The following ATG4C variants were observed in gnomAD, a reference collection of about 807,000 sequenced individuals.
The protein encoded by ATG4C is cysteine protease ATG4C.
A neutral mutation model predicts 57.6 loss-of-function variants in ATG4C; 56 were observed. The ratio of observed to expected loss-of-function variants is 0.97; its 90% CI spans 0.78 to 1.21. The LOEUF (loss-of-function observed/expected upper bound fraction) is 1.21, where lower values mean the gene tolerates loss of function less well. Ranked by LOEUF, ATG4C falls within the 50% of genes most tolerant of loss-of-function variation. The pLI is 0.00. For missense variants in ATG4C, 595 were observed against 529.8 expected (o/e 1.12, Z -1.21); for synonymous variants, 157 against 174.1 (o/e 0.90, Z 0.78).
At chr1:62,791,999 CTCTTT>C (rs1261159293) in intron 1 of ATG4C, among the ~76,000 whole-genome samples, 5 of 151,982 alleles carry the variant, frequency 3.3e-5, no homozygotes, top group East Asian at 1.9e-4. Context: ...CTTTTATCTA[CTCTTT>C]TCTTTTTTTT....
At chr1:62,805,527 T>C (rs1664849635) in intron 3 of ATG4C, among the ~76,000 whole-genome samples, 2 of 152,144 alleles carry the variant, frequency 1.3e-5, no homozygotes, top group South Asian at 4.1e-4. Context: ...TAATATTGTT[T>C]GTCACATTCT....
intron 3 of ATG4C, among the ~76,000 whole-genome samples, chr1:62,805,662 T>C (rs1454816580): frequency 1.3e-5 from 2 of 152,204 alleles, no homozygotes; most frequent in East Asian, 3.8e-4. Flanking sequence ...ATTAATTCTT[T>C]CAAAAATTTT....
chr1:62,799,508 GT>G (rs1664584989), intron 1 of ATG4C, among the ~76,000 whole-genome samples: 1 of 152,158 alleles, frequency 6.6e-6, no homozygotes, highest in African/African-American at 2.4e-5. Flanking sequence ...CATAGCAGGA[GT>G]TTTGACCAAA....
intron 1 of ATG4C, among the ~76,000 whole-genome samples, chr1:62,799,285 G>A (rs1664575214): frequency 6.6e-6 from 1 of 152,154 alleles, no homozygotes; most frequent in African/African-American, 2.4e-5. Flanking sequence ...TTTAATTTTA[G>A]TCATATGAAA....
intron 10 of ATG4C, among the ~76,000 whole-genome samples, chr1:62,860,496 G>A (rs758552693): frequency 6.6e-6 from 1 of 152,184 alleles, no homozygotes; most frequent in Non-Finnish European, 1.5e-5. Flanking sequence ...AACACTAGGT[G>A]ATAGGAATTT....
chr1:62,848,336 C>G (rs1666391275), intron 10 of ATG4C, among the ~76,000 whole-genome samples: 1 of 152,106 alleles, frequency 6.6e-6, no homozygotes. Flanking sequence ...ATTTTAAATT[C>G]CACAAGGCAT....
At chr1:62,787,284 G>A (rs1001828517) in intron 1 of ATG4C, among the ~76,000 whole-genome samples, 1 of 151,874 alleles carries the variant, frequency 6.6e-6, no homozygotes, top group African/African-American at 2.4e-5. Flanking sequence ...GCAGGGGTGG[G>A]GTTCTACATG....
chr1:62,839,514 T>C (rs990284767), intron 9 of ATG4C, among the ~76,000 whole-genome samples: 19 of 152,238 alleles, frequency 1.2e-4, no homozygotes, highest in Non-Finnish European at 1.6e-4. Flanking sequence ...GTCTTTCGAA[T>C]GAGCTGGGCA....
intron 1 of ATG4C, among the ~76,000 whole-genome samples, chr1:62,803,381 C>T (rs1423014964): frequency 6.6e-6 from 1 of 152,080 alleles, no homozygotes; most frequent in Non-Finnish European, 1.5e-5. Flanking sequence ...CTCACTTGCG[C>T]CAATGCACCA....
At chr1:62,808,427 G>A (rs1373013447) in intron 3 of ATG4C, among the ~76,000 whole-genome samples, 3 of 152,038 alleles carry the variant, frequency 2.0e-5, no homozygotes, top group Non-Finnish European at 4.4e-5. Context: ...GTGAAGGATA[G>A]ACATATTGAT....
intron 4 of ATG4C, among the ~76,000 whole-genome samples, chr1:62,817,716 CAT>C (rs938036216): frequency 1.3e-5 from 2 of 151,998 alleles, no homozygotes; most frequent in East Asian, 1.9e-4. Context: ...ACTTAACTTA[CAT>C]ATATATGTTT....
chr1:62,841,478 C>T lies in ATG4C; in HGVS notation c.1140C>T (p.Pro380=), dbSNP rs778674798. The change falls in exon 10 of 11, where the codon CCC becomes CCT. Residue 380 remains proline (P), a synonymous_variant. Transcript: ENST00000317868. The stretch of plus-strand genomic sequence containing the variant: ...AGATGTCTTTTCGAAAAATGGATCC[C>T]AGCTGTACAATAGGATTTTACTGTC... ...PKKMSFRKMD[P]SCTIGFYCRN... 2 of 1,607,880 alleles carry T rather than the reference C, an allele frequency of 1.2e-6. No homozygotes were observed. Among genetic ancestry groups the T allele is most frequent in the Non-Finnish European group, 1.7e-6 (2 of 1,176,606 alleles).
chr1:62,801,787 T>C (rs1664674740), intron 1 of ATG4C, among the ~76,000 whole-genome samples: 1 of 151,376 alleles, frequency 6.6e-6, no homozygotes, highest in African/African-American at 2.4e-5. Flanking sequence ...TGAAAACCCG[T>C]CTCTACTAAA....
chr1:62,859,750 C>T lies in ATG4C; in HGVS notation c.1210-4242C>T, dbSNP rs1666793658. 2.6e-5 allele frequency among the ~76,000 whole-genome samples: 4 copies of T among 151,860 alleles called. No individual in the cohort carries two copies. The South Asian group carries it at 6.3e-4, about 24-fold the overall frequency. On this transcript the variant is annotated intron_variant, in intron 10 of 10. Transcript: ENST00000317868. ...CTCGCTCTGTCGCCAGGCTGGAGTGCAGTGGTGCAATCTTGACTGACTGCA... is the reference window on the plus strand; with the variant it reads ...CTCGCTCTGTCGCCAGGCTGGAGTGTAGTGGTGCAATCTTGACTGACTGCA...
intron 6 of ATG4C, among the ~76,000 whole-genome samples, chr1:62,825,524 G>C (rs1338801416): frequency 6.6e-6 from 1 of 152,040 alleles, no homozygotes; most frequent in East Asian, 1.9e-4. Context: ...TCATGTTTTA[G>C]TGCTCAGCCT....
At chr1:62,807,943 G>T (rs574464777) in intron 3 of ATG4C, among the ~76,000 whole-genome samples, 1 of 152,106 alleles carries the variant, frequency 6.6e-6, no homozygotes, top group Non-Finnish European at 1.5e-5. Flanking sequence ...TACCCTGTGG[G>T]GTCTGTGCTA....
At chr1:62,808,042 C>T (rs1287145567) in intron 3 of ATG4C, among the ~76,000 whole-genome samples, 2 of 152,310 alleles carry the variant, frequency 1.3e-5, no homozygotes, top group African/African-American at 4.8e-5. Flanking sequence ...GAAAAACCTT[C>T]ACACATTTGG....
chr1:62,836,148 A>T (rs1319643723), intron 9 of ATG4C, among the ~76,000 whole-genome samples: 1 of 152,132 alleles, frequency 6.6e-6, no homozygotes, highest in Admixed American at 6.5e-5. Flanking sequence ...GGCTATGTGT[A>T]TACAATCAAA....
intron 10 of ATG4C, among the ~76,000 whole-genome samples, chr1:62,846,571 T>G (rs1167869868): frequency 6.6e-6 from 1 of 152,218 alleles, no homozygotes; most frequent in Non-Finnish European, 1.5e-5. Context: ...ATCAAATTCC[T>G]GATCTTCCTT....
Sources: gnomAD v4.1 joint callset for allele counts (sites outside exome capture counted in the v4.1 genomes callset) on GRCh38, gnomAD v4.1.1 for gene constraint, MANE v1.5 for transcripts, NCBI Gene and HGNC (gene_info 2026-07-23, HGNC 2026-07-21) for gene names.